NCOR2: variants seen among roughly 807,000 people sequenced by gnomAD.
NCOR2 encodes CTG repeat protein 26.
Under a neutral mutation model 262.9 loss-of-function variants are expected in NCOR2, and 81 were observed. The ratio of observed to expected loss-of-function variants is 0.31; its 90% CI spans 0.26 to 0.37. The LOEUF (loss-of-function observed/expected upper bound fraction) is 0.37, where lower values mean the gene tolerates loss of function less well. Among genes scored for constraint, NCOR2 ranks in the 10% least tolerant of loss-of-function variants. The probability of loss-of-function intolerance (pLI) is 1.00; values close to 1 mark genes in which losing one functional copy is unlikely to be tolerated. For missense variants in NCOR2, 3,385 were observed against 3,621.4 expected (o/e 0.93, Z 1.68); for synonymous variants, 1,659 against 1,559.3 (o/e 1.06, Z -1.51).
At chr12:124,332,560 A>G (rs2035290621) in intron 42 of NCOR2, 93 bp from the exon 45 acceptor site, 1 of 1,551,632 alleles carries the variant, frequency 6.4e-7, no homozygotes, top group African/African-American at 1.4e-5. Context: ...TGCCTTAGAC[A>G]TTTGGAAGCA....
At chr12:124,550,015 C>G (rs1200169926) in intron 1 of NCOR2, among the ~76,000 whole-genome samples, 5 of 152,224 alleles carry the variant, frequency 3.3e-5, no homozygotes, top group African/African-American at 1.2e-4. Context: ...TCGCAGGGGT[C>G]TGGCGGGAGT....
chr12:124,347,411 C>A, intron 30 of NCOR2: 1 of 188,900 alleles, frequency 5.3e-6, no homozygotes, highest in Non-Finnish European at 1.1e-5. Context: ...AAAAATAAAA[C>A]CCACAAAGCT....
At chr12:124,338,620 T>C (rs2135799659) in intron 37 of NCOR2, among the ~76,000 whole-genome samples, 1 of 151,348 alleles carries the variant, frequency 6.6e-6, no homozygotes, top group African/African-American at 2.4e-5. Flanking sequence ...CAGAGGGCAC[T>C]CAGGGGCCTC....
intron 41 of NCOR2, among the ~76,000 whole-genome samples, chr12:124,333,781 A>G (rs1237586586): frequency 6.6e-6 from 1 of 150,376 alleles, no homozygotes; most frequent in Non-Finnish European, 1.5e-5. Context: ...CGGGGGTGGG[A>G]GTGGGAGTGT....
In NCOR2 at chr12:124,457,145, T is replaced by G. The variant is rs992462302; in HGVS notation, c.723A>C (p.Ala241=). Residue 241 remains alanine, a synonymous_variant, in exon 6 of 47, where the codon GCA becomes GCC. Coordinates refer to ENST00000405201, the Ensembl canonical transcript of NCOR2. The surrounding 1 kb of genome is among the most constrained non-coding windows in gnomAD (Gnocchi z 4.0). ...GCCCCAGGCCTTCCAGAATCCGATG[T>G]GCAGCTTCAGCCTTCTTCTGCAGGG... 21 of 1,532,154 alleles carry G rather than the reference T, an allele frequency of 1.4e-5. No homozygotes were observed. The highest frequency in any genetic ancestry group is 1.7e-5 in the Non-Finnish European group (20 of 1,151,182). 94.9% of individuals were successfully genotyped at this position (1,532,154 alleles called of 1,614,324 possible). A position where few individuals can be genotyped will look rare whatever the true frequency, so the allele number is the denominator to read the frequency against.
chr12:124,512,814 T>A (rs1341758142), intron 1 of NCOR2, among the ~76,000 whole-genome samples: 1 of 152,078 alleles, frequency 6.6e-6, no homozygotes, highest in Non-Finnish European at 1.5e-5. Flanking sequence ...TTGGCCTCCC[T>A]CCAGTTTACA....
chr12:124,339,298 C>CCCATCCATCCATCCATCCAT (rs147095017), intron 37 of NCOR2, among the ~76,000 whole-genome samples: 1 of 129,756 alleles, frequency 7.7e-6, no homozygotes, highest in African/African-American at 3.3e-5. Flanking sequence ...CAACCACCTG[C>CCCATCCATCCATCCATCCAT]CCATCCATCC....
At chr12:124,429,836 C>T (rs753367243) in intron 9 of NCOR2, 130 bp from the exon 12 acceptor site, 21 of 855,078 alleles carry the variant, frequency 2.5e-5, no homozygotes, top group African/African-American at 1.9e-4. Flanking sequence ...GCAGAGGGGC[C>T]GGCCCCACAC....
At chr12:124,438,130 G>T in intron 7 of NCOR2, 134 bp from the exon 10 acceptor site, 1 of 775,548 alleles carries the variant, frequency 1.3e-6, no homozygotes, top group Non-Finnish European at 2.1e-6. Flanking sequence ...ACCCACCCGT[G>T]CTGTATCCCC....
At chr12:124,558,948 TC>T (rs750793427) in intron 1 of NCOR2, among the ~76,000 whole-genome samples, 1 of 152,130 alleles carries the variant, frequency 6.6e-6, no homozygotes, top group Non-Finnish European at 1.5e-5. Context: ...TCCCCCCAGA[TC>T]CACTCATCAG....
chr12:124,483,806 G>T lies in NCOR2; in HGVS notation c.234-33C>A, dbSNP rs762737234. 2.6e-6 allele frequency: 4 copies of T among 1,539,008 alleles called. No homozygotes were observed. In the South Asian group the frequency reaches 3.7e-5, roughly 14 times the overall value. On this transcript the variant is annotated intron_variant, in intron 2 of 46. Coordinates refer to ENST00000405201, the Ensembl canonical transcript of NCOR2. The surrounding 1 kb of genome is among the most constrained non-coding windows in gnomAD (Gnocchi z 6.3). ...AGGTGAGGCATCCAACGTCACATAG[G>T]AGATTGCGGCTCTGAGAACTCCCGA...
chr12:124,460,850 C>T (rs531084319), intron 5 of NCOR2, among the ~76,000 whole-genome samples: 9 of 152,360 alleles, frequency 5.9e-5, no homozygotes, highest in East Asian at 3.9e-4. Context: ...CACATCTCCT[C>T]GGCCCCTTTG....
chr12:124,507,054 G>A (rs1396067095), intron 1 of NCOR2, among the ~76,000 whole-genome samples: 1 of 152,174 alleles, frequency 6.6e-6, no homozygotes, highest in Non-Finnish European at 1.5e-5. Context: ...AGACTACATG[G>A]AACACAGCTC....
intron 8 of NCOR2, among the ~76,000 whole-genome samples, chr12:124,434,904 A>AC (rs1168064971): frequency 6.6e-6 from 1 of 152,138 alleles, no homozygotes; most frequent in African/African-American, 2.4e-5. Context: ...TGTGCCTTGT[A>AC]CTCTTCTGTC....
upstream of NCOR2, among the ~76,000 whole-genome samples, chr12:124,497,358 A>G (rs979043633): frequency 6.6e-6 from 1 of 152,136 alleles, no homozygotes; most frequent in Non-Finnish European, 1.5e-5. This position sits in a 1 kb window ranked among gnomAD's most constrained non-coding sequence, Gnocchi z 4.2. Flanking sequence ...CCGCTCCACC[A>G]TCGCTAAGCT....
At chr12:124,468,137 C>T (rs543233846) in intron 4 of NCOR2, among the ~76,000 whole-genome samples, 19 of 64,212 alleles carry the variant, frequency 3.0e-4, no homozygotes, top group African/African-American at 1.3e-3. Context: ...TCCTCATCCT[C>T]ATCACCATCA....
At chr12:124,355,820 C>A (rs977549054) in intron 23 of NCOR2, among the ~76,000 whole-genome samples, 7 of 152,328 alleles carry the variant, frequency 4.6e-5, no homozygotes, top group Non-Finnish European at 7.4e-5. Flanking sequence ...CCTCAACTCT[C>A]ATCTGGATCC....
chr12:124,557,289 T>C (rs1365226198), intron 1 of NCOR2, among the ~76,000 whole-genome samples: 3 of 152,192 alleles, frequency 2.0e-5, no homozygotes, highest in Non-Finnish European at 2.9e-5. Flanking sequence ...CACTGTTACT[T>C]TGTCACAGTT....
chr12:124,382,508 CTTCT>C (rs959005023), intron 17 of NCOR2, among the ~76,000 whole-genome samples: 21 of 152,242 alleles, frequency 1.4e-4, no homozygotes, highest in Non-Finnish European at 2.1e-4. Flanking sequence ...GAAGGGCCAC[CTTCT>C]TTATCAGCTT....
Sources: allele counts gnomAD v4.1 joint callset (sites outside exome capture counted in the v4.1 genomes callset), GRCh38; gene constraint gnomAD v4.1.1; non-coding constraint Gnocchi (gnomAD v3.1); transcripts MANE v1.5; gene names NCBI Gene and HGNC (gene_info 2026-07-23, HGNC 2026-07-21).